Variants in HSP90AA1 observed in about 807,000 individuals in gnomAD.
The protein encoded by HSP90AA1 is heat shock protein HSP 90-alpha.
Under a neutral mutation model 73.3 loss-of-function variants are expected in HSP90AA1, and 18 were observed. That is an observed-to-expected ratio of 0.25 (90% CI 0.17 to 0.36). The LOEUF is 0.36. Among genes scored for constraint, HSP90AA1 ranks in the 10% least tolerant of loss-of-function variants. The pLI, the probability that HSP90AA1 is intolerant of heterozygous loss-of-function variation, is 1.00. For missense variants in HSP90AA1, 704 were observed against 874.2 expected (o/e 0.81, Z 2.45); for synonymous variants, 477 against 296.9 (o/e 1.61, Z -6.24).
chr14:102,093,124 A>G (rs2049379948), intron 2 of HSP90AA1, among the ~76,000 whole-genome samples: 2 of 152,058 alleles, frequency 1.3e-5, no homozygotes, highest in African/African-American at 4.8e-5. Context: ...CTATAGTTAT[A>G]TAGGAAAATT....
At chr14:102,087,242 GC>G, upstream of HSP90AA1, 1 of 843,614 alleles carries the variant, frequency 1.2e-6, no homozygotes, top group Non-Finnish European at 1.4e-6. Flanking sequence ...TCGTGGCCCG[GC>G]CCGGGCAACC....
At chr14:102,111,144 A>G (rs2049636555) in intron 1 of HSP90AA1, among the ~76,000 whole-genome samples, 1 of 152,268 alleles carries the variant, frequency 6.6e-6, no homozygotes, top group African/African-American at 2.4e-5. Flanking sequence ...AATTTGCTTA[A>G]GTAACGAGGA....
intron 1 of HSP90AA1, among the ~76,000 whole-genome samples, chr14:102,110,489 G>A (rs545267791): frequency 2.6e-5 from 4 of 151,480 alleles, no homozygotes; most frequent in Non-Finnish European, 4.4e-5. Flanking sequence ...GTGTAATCTC[G>A]ACTCACTGCA....
At chr14:102,092,282 G>T (rs542871551) in intron 2 of HSP90AA1, among the ~76,000 whole-genome samples, 31 of 151,926 alleles carry the variant, frequency 2.0e-4, no homozygotes, top group Non-Finnish European at 4.1e-4. Flanking sequence ...TGTTCACCAG[G>T]CTGGTCTCAA....
At chr14:102,122,556 T>C (rs1453836366) in intron 1 of HSP90AA1, among the ~76,000 whole-genome samples, 2 of 152,116 alleles carry the variant, frequency 1.3e-5, no homozygotes, top group Non-Finnish European at 2.9e-5. Flanking sequence ...GTTGGGATTA[T>C]AGGCGTGAGC....
chr14:102,092,838 C>T (rs558176656), intron 2 of HSP90AA1, among the ~76,000 whole-genome samples: 1 of 152,070 alleles, frequency 6.6e-6, no homozygotes, highest in African/African-American at 2.4e-5. Flanking sequence ...GCAGCCTCTG[C>T]CTCCTCAGTT....
chr14:102,138,395 T>C (rs1227851311), intron 1 of HSP90AA1, among the ~76,000 whole-genome samples: 1 of 152,210 alleles, frequency 6.6e-6, no homozygotes, highest in African/African-American at 2.4e-5. Context: ...CGACAGAACA[T>C]ACCCTGGTGT....
At chr14:102,112,097 A>G (rs2032525463) in intron 1 of HSP90AA1, among the ~76,000 whole-genome samples, 3 of 151,978 alleles carry the variant, frequency 2.0e-5, no homozygotes, top group South Asian at 4.2e-4. Context: ...ATTTTACTTG[A>G]AGATTTTGTG....
intron 1 of HSP90AA1, among the ~76,000 whole-genome samples, chr14:102,130,329 T>G (rs1270236767): frequency 6.6e-6 from 1 of 152,192 alleles, no homozygotes; most frequent in African/African-American, 2.4e-5. Context: ...CTGGGTCCTA[T>G]GGTAACTGTT....
exon 1 of HSP90AA1, chr14:102,139,420 G>T: frequency 6.5e-7 from 1 of 1,531,708 alleles, no homozygotes; most frequent in Non-Finnish European, 8.8e-7. Context: ...CTCCCCGTAG[G>T]GTACCCCGCG....
intron 2 of HSP90AA1, among the ~76,000 whole-genome samples, chr14:102,099,497 G>A (rs566046420): frequency 2.0e-5 from 3 of 152,364 alleles, no homozygotes; most frequent in African/African-American, 7.2e-5. Flanking sequence ...GGCAGAGGTT[G>A]TGGTGAGCCG....
intron 1 of HSP90AA1, among the ~76,000 whole-genome samples, chr14:102,102,751 T>C (rs2049510661): frequency 6.6e-6 from 1 of 152,156 alleles, no homozygotes; most frequent in Admixed American, 6.5e-5. Context: ...TAATAAGCAC[T>C]CAAGGCCGGG....
At chr14:102,135,377 G>A (rs1422045535) in intron 1 of HSP90AA1, among the ~76,000 whole-genome samples, 1 of 152,376 alleles carries the variant, frequency 6.6e-6, no homozygotes, top group Admixed American at 6.5e-5. Flanking sequence ...TAGATACAGA[G>A]TGTGGATTGG....
At chr14:102,115,389 A>G (rs1260910201) in intron 1 of HSP90AA1, among the ~76,000 whole-genome samples, 2 of 152,170 alleles carry the variant, frequency 1.3e-5, no homozygotes, top group Non-Finnish European at 2.9e-5. Flanking sequence ...GAAGGAATCT[A>G]GGAATCTAGA....
chr14:102,088,313 C>T (rs374051873), upstream of HSP90AA1, among the ~76,000 whole-genome samples: 1 of 152,164 alleles, frequency 6.6e-6, no homozygotes, highest in Non-Finnish European at 1.5e-5. Flanking sequence ...GTCTCTGGCG[C>T]CTCCCATGAT....
At chr14:102,094,904 T>G (rs941483081) in intron 2 of HSP90AA1, among the ~76,000 whole-genome samples, 5 of 151,392 alleles carry the variant, frequency 3.3e-5, no homozygotes, top group African/African-American at 1.2e-4. Context: ...CCCTGAAGAG[T>G]TGGTGGGTGT....
chr14:102,092,511 T>C lies in HSP90AA1; in HGVS notation c.367-6133A>G, dbSNP rs1187442545. Among the ~76,000 whole-genome samples, 3 of 152,284 alleles carry C rather than the reference T, an allele frequency of 2.0e-5. No individual in the cohort carries two copies. The East Asian group carries it at 5.8e-4, about 29-fold the overall frequency. On this transcript the variant is annotated intron_variant, in intron 2 of 11. Coordinates refer to the HSP90AA1 transcript ENST00000334701. ...TGTTCTTTTTGAAAAATAATTATGC[T>C]GAGAAAGATGCCAGTCAGTCATTTA...
intron 1 of HSP90AA1, among the ~76,000 whole-genome samples, chr14:102,118,732 A>G (rs1158135678): frequency 6.6e-6 from 1 of 152,062 alleles, no homozygotes; most frequent in African/African-American, 2.4e-5. Flanking sequence ...TGTTCTATAC[A>G]TGCCTGTGCA....
chr14:102,084,924 T>C lies in HSP90AA1; in HGVS notation c.738A>G (p.Glu246=), dbSNP rs774066299. 6.3e-7 allele frequency: 1 copy of C among 1,590,642 alleles called. No homozygotes were observed. Among genetic ancestry groups the C allele is most frequent in the African/African-American group, 1.3e-5 (1 of 74,456 alleles). ...EEKEDKEEEK[E]KEEKESEDKP... is the part of the protein sequence containing the mutation. ...TGTCTTCCGACTCTTTCTCTTCTTT[T>C]TCTTTTTCTTCTTCTTTGTCTTCCT... The change falls in exon 5 of 11, where the codon GAA becomes GAG. Residue 246 remains glutamate, a synonymous_variant. Transcript: ENST00000216281.
Sources: gnomAD v4.1 joint callset for allele counts (sites outside exome capture counted in the v4.1 genomes callset) on GRCh38, gnomAD v4.1.1 for gene constraint, MANE v1.5 for transcripts, NCBI Gene and HGNC (gene_info 2026-07-23, HGNC 2026-07-21) for gene names.